Variants in TMEM237 observed in about 807,000 individuals in gnomAD.
The protein encoded by TMEM237 is transmembrane protein 237, also known as amyotrophic lateral sclerosis 2 (juvenile) chromosome region, candidate 4.
Under a neutral mutation model 59.1 loss-of-function variants are expected in TMEM237, and 51 were observed. The observed-to-expected ratio is 0.86, with a 90% CI of 0.69 to 1.09. The LOEUF (loss-of-function observed/expected upper bound fraction) is 1.09. Among genes scored for constraint, TMEM237 ranks in the 50% least tolerant of loss-of-function variants. TMEM237 has a pLI of 0.00. For synonymous variants in TMEM237, 140 were observed against 166.1 expected (o/e 0.84, Z 1.21); for missense variants, 475 against 478.3 (o/e 0.99, Z 0.06).
chr2:201,634,808 CA>C, intron 5 of TMEM237: 1 of 396,820 alleles, frequency 2.5e-6, no homozygotes, highest in Non-Finnish European at 5.2e-6. Flanking sequence ...ACTTGCCTTC[CA>C]AAATTATGCT....
intron 2 of TMEM237, 32 bp downstream of exon 2, chr2:201,640,861 T>A (rs764846939): frequency 6.5e-7 from 1 of 1,531,140 alleles, no homozygotes; most frequent in Admixed American, 1.8e-5. Context: ...TTTTTAAAGC[T>A]CAATAATGAA....
chr2:201,641,571 T>C (rs1454313210), intron 1 of TMEM237, among the ~76,000 whole-genome samples: 1 of 151,872 alleles, frequency 6.6e-6, no homozygotes, highest in Non-Finnish European at 1.5e-5. Context: ...GAAACTTACA[T>C]TCTAGTGGTT....
At chr2:201,640,658 A>G (rs1345526787) in intron 2 of TMEM237, among the ~76,000 whole-genome samples, 1 of 152,072 alleles carries the variant, frequency 6.6e-6, no homozygotes, top group Non-Finnish European at 1.5e-5. Flanking sequence ...TAGAAAGGGA[A>G]TGGATCCATT....
chr2:201,642,849 G>A (rs1687458098), intron 1 of TMEM237: 3 of 1,342,496 alleles, frequency 2.2e-6, no homozygotes, highest in African/African-American at 1.5e-5. Context: ...GGAGTTGGGG[G>A]TAATGTGCCC....
intron 12 of TMEM237, 21 bp downstream of exon 12, chr2:201,626,005 G>A: frequency 6.4e-7 from 1 of 1,555,046 alleles, no homozygotes; most frequent in Non-Finnish European, 8.7e-7. Context: ...ATATTCTTAT[G>A]CTATTTTTTT....
intron 11 of TMEM237, 80 bp downstream of exon 11, chr2:201,627,241 G>A (rs1957767634): frequency 4.2e-6 from 4 of 941,294 alleles, no homozygotes; most frequent in South Asian, 1.6e-5. Context: ...TTCATTATTT[G>A]CAGTTGAAAA....
Position 201,643,295 on chromosome 2 carries a change from C to A in TMEM237, c.42+64G>T. ...TGGCGCCCCCCCACACACACCCACC[C>A]CCACTGCCAAGTGTAGCTGTTTACC... On this transcript the variant is annotated intron_variant, in intron 1 of 12. Transcript: ENST00000409883. The surrounding 1 kb of genome is among the most constrained non-coding windows in gnomAD (Gnocchi z 4.3). The A allele has an allele frequency of 6.7e-7, 1 of 1,498,004 alleles. No individual in the cohort carries two copies. The highest frequency in any genetic ancestry group is 1.2e-5 in the South Asian group (1 of 82,310). The allele number at this position is 1,498,004 out of a possible 1,614,324, so 92.8% of individuals were successfully genotyped here. A position where few individuals can be genotyped will look rare whatever the true frequency, so the allele number is the denominator to read the frequency against.
rs758712743 is a variant in TMEM237 at position 201,626,037 on chromosome 2, T to C, written c.1148A>G (p.Asp383Gly). The change falls in exon 12 of 13, where the codon GAT becomes GGT. Residue 383 changes from aspartate (D) to glycine (G), a missense_variant. By Grantham distance (94) the Asp-to-Gly change is moderately conservative (BLOSUM62 -1). Coordinates refer to ENST00000409883, the MANE Select transcript of TMEM237 (RefSeq NM_001044385.3). The part of the protein sequence containing the change: ...WLFLSYRPGM[D>G]LSEELMFSSE... ...TTTTTCTTTAATACCTTCACTAAGA[T>C]CCATGCCTGGCCTATAAGACAAAAA... 4 of 1,587,132 alleles carry C rather than the reference T, an allele frequency of 2.5e-6. No individual in the cohort carries two copies. The South Asian group carries it at 3.4e-5, about 14-fold the overall frequency.
chr2:201,626,444 C>T, intron 11 of TMEM237: 1 of 183,792 alleles, frequency 5.4e-6, no homozygotes, highest in East Asian at 1.2e-4. Flanking sequence ...CATTAATCCT[C>T]AATAAAGTAT....
At chr2:201,634,857 C>G (rs758393914) in intron 5 of TMEM237, 4 of 445,982 alleles carry the variant, frequency 9.0e-6, no homozygotes, top group Non-Finnish European at 1.9e-5. Flanking sequence ...CCCTTCTACT[C>G]CTATAATTCT....
intron 12 of TMEM237, 51 bp from the exon 13 acceptor site, chr2:201,624,373 CAACA>C (rs960621040): frequency 7.1e-7 from 1 of 1,417,370 alleles, no homozygotes; most frequent in African/African-American, 1.4e-5. Flanking sequence ...CCAGTACCTC[CAACA>C]GAGTTGTATA....
rs376226585 is a variant in TMEM237, at chr2:201,636,817, T to A, written c.205A>T (p.Thr69Ser). The stretch of plus-strand genomic sequence containing the variant: ...TCTGGGTGCTCTTTGAGTTCTTTAG[T>A]TGATGGCTCATTGCCCTCAGAGGGC... ...RRPSEGNEPS[T>S]KELKEHPEAP... is the part of the protein sequence containing the mutation. Residue 69 changes from threonine (T) to serine (S), a missense_variant, in exon 5 of 13, where the codon ACT (threonine) becomes TCT (serine). Physicochemically the swap from Thr to Ser is moderately conservative, Grantham distance 58 (BLOSUM62 1). Coordinates refer to ENST00000409883, the MANE Select transcript of TMEM237 (RefSeq NM_001044385.3). 32 of 1,602,940 alleles carry A rather than the reference T, an allele frequency of 2.0e-5. No homozygotes were observed. In the Middle Eastern group the frequency reaches 6.7e-4, roughly 33 times the overall value.
intron 12 of TMEM237, 67 bp from the exon 13 acceptor site, chr2:201,624,389 C>A: frequency 8.4e-7 from 1 of 1,194,522 alleles, no homozygotes; most frequent in Admixed American, 2.0e-5. Flanking sequence ...AGTTGTATAG[C>A]TTATTTATAA....
At position 201,622,932 on chromosome 2, in the gene TMEM237, A is replaced by T. The variant is rs1345690220; in HGVS notation, c.*1323T>A. ...CTGAAGTTTGCTGACGGGGAAGATT[A>T]TGAACTCCTATACTGCCAGCTTATT... On this transcript the variant is annotated 3_prime_UTR_variant, in exon 13 of 13. Coordinates refer to ENST00000409883, the MANE Select transcript of TMEM237 (RefSeq NM_001044385.3). 1 of 156,974 alleles carries T rather than the reference A, an allele frequency of 6.4e-6. No homozygotes were observed. The highest frequency in any genetic ancestry group is 1.4e-5 in the Non-Finnish European group (1 of 70,834). The allele number at this position is 156,974 out of a possible 1,614,324, so 9.7% of individuals were successfully genotyped here.
At chr2:201,627,758 A>G (rs1297556600) in intron 10 of TMEM237, among the ~76,000 whole-genome samples, 1 of 152,234 alleles carries the variant, frequency 6.6e-6, no homozygotes, top group African/African-American at 2.4e-5. Flanking sequence ...TCAGAAAGAT[A>G]TAAAATATTG....
chr2:201,641,409 T>C (rs1175901700), intron 1 of TMEM237, among the ~76,000 whole-genome samples: 12 of 152,182 alleles, frequency 7.9e-5, no homozygotes, highest in Admixed American at 6.5e-4. Flanking sequence ...GAGGTACTGA[T>C]GAGAAACATG....
Position 201,643,274 on chromosome 2 carries a change from G to GGCC in TMEM237, c.42+84_42+85insGGC. Reference sequence around the variant, plus strand: ...CCTTAGTGATTCCCAGCTCGTTGGCGCCCCCCCACACACACCCACCCCCAC... The same window carrying GGCC: ...CCTTAGTGATTCCCAGCTCGTTGGCGGCCCCCCCCCACACACACCCACCCCCAC... On this transcript the variant is annotated intron_variant, in intron 1 of 12. Coordinates refer to ENST00000409883, the MANE Select transcript of TMEM237 (RefSeq NM_001044385.3). The surrounding 1 kb of genome is among the most constrained non-coding windows in gnomAD (Gnocchi z 4.3). 8.6e-5 allele frequency: 104 copies of GGCC among 1,206,504 alleles called. No homozygotes were observed. The highest frequency in any genetic ancestry group is 1.1e-4 in the Non-Finnish European group (95 of 849,098). 74.7% of individuals were successfully genotyped at this position (1,206,504 alleles called of 1,614,324 possible).
At chr2:201,641,284 G>T (rs973920901) in intron 1 of TMEM237, among the ~76,000 whole-genome samples, 6 of 152,114 alleles carry the variant, frequency 3.9e-5, no homozygotes, top group South Asian at 2.1e-4. Flanking sequence ...GAGCCACTAC[G>T]CCCGGCCAAA....
intron 4 of TMEM237, among the ~76,000 whole-genome samples, chr2:201,637,918 C>T (rs917224443): frequency 1.3e-5 from 2 of 152,098 alleles, no homozygotes; most frequent in Non-Finnish European, 1.5e-5. Context: ...GAATGAGACA[C>T]TCTCAGACTC....
Sources: allele counts gnomAD v4.1 joint callset (sites outside exome capture counted in the v4.1 genomes callset), GRCh38; gene constraint gnomAD v4.1.1; non-coding constraint Gnocchi (gnomAD v3.1); transcripts MANE v1.5; gene names NCBI Gene and HGNC (gene_info 2026-07-23, HGNC 2026-07-21).